The following MIDEAS variants were observed in gnomAD, a reference collection of about 807,000 sequenced individuals.
MIDEAS encodes mitotic deacetylase-associated SANT domain protein.
MIDEAS carries 26 observed loss-of-function variants against 102.7 expected under a neutral mutation model. That is an observed-to-expected ratio of 0.25 (90% CI 0.19 to 0.35). The LOEUF (loss-of-function observed/expected upper bound fraction) is 0.35, where lower values mean the gene tolerates loss of function less well. Ranked by LOEUF, MIDEAS falls within the 10% of genes least tolerant of loss-of-function variation. The pLI, the probability that MIDEAS is intolerant of heterozygous loss-of-function variation, is 1.00. For missense variants in MIDEAS, 1,231 were observed against 1,435.6 expected (o/e 0.86, Z 2.30); for synonymous variants, 585 against 591.0 (o/e 0.99, Z 0.15).
intron 1 of MIDEAS, among the ~76,000 whole-genome samples, chr14:73,785,660 C>A (rs1322200735): frequency 6.6e-6 from 1 of 152,222 alleles, no homozygotes; most frequent in Non-Finnish European, 1.5e-5. Flanking sequence ...TTTGCTAATT[C>A]AAACAGCTTT....
At position 73,737,152 on chromosome 14, in the gene MIDEAS, G is replaced by C; in HGVS notation, c.1595C>G (p.Pro532Arg). The C allele has an allele frequency of 6.2e-7, 1 of 1,613,916 alleles. No individual in the cohort carries two copies. Among genetic ancestry groups the C allele is most frequent in the Non-Finnish European group, 8.5e-7 (1 of 1,179,958 alleles). ...CTCAGTTGGGTCCACAGTTCGCACAGGCACAGACACTGGGATGATGAGGGG... is the reference window on the plus strand; with the variant it reads ...CTCAGTTGGGTCCACAGTTCGCACACGCACAGACACTGGGATGATGAGGGG... ...MVPLIIPVSV[P>R]VRTVDPTEAA... Residue 532 changes from proline to arginine, a missense_variant, in exon 3 of 13, where the codon CCT (proline) becomes CGT (arginine). Pro to Arg is a moderately radical substitution (Grantham distance 103). This residue lies in a region of MIDEAS where 758 missense variants were observed against 856.0 expected (regional missense o/e 0.89). Coordinates refer to ENST00000423556, the MANE Select transcript of MIDEAS (RefSeq NM_001367710.1).
intron 1 of MIDEAS, among the ~76,000 whole-genome samples, chr14:73,768,100 C>T (rs995877669): frequency 3.3e-5 from 5 of 152,154 alleles, no homozygotes; most frequent in African/African-American, 9.7e-5. Flanking sequence ...GCAGAGGTTG[C>T]AGTGAGACGA....
rs1249324086 is a variant in MIDEAS at position 73,716,773 on chromosome 14, C to G, written c.*2070G>C. 6.6e-6 allele frequency: 1 copy of G among 150,778 alleles called. No individual in the cohort carries two copies. Among genetic ancestry groups the G allele is most frequent in the Non-Finnish European group, 1.5e-5 (1 of 67,766 alleles). 9.3% of individuals were successfully genotyped at this position (150,778 alleles called of 1,614,324 possible). A position where few individuals can be genotyped will look rare whatever the true frequency, so the allele number is the denominator to read the frequency against. ...GGTCTCATATGAATGATGGAGGTTTCTGTTACCGTATGCCCATAAAGGGGC... is the reference window on the plus strand; with the variant it reads ...GGTCTCATATGAATGATGGAGGTTTGTGTTACCGTATGCCCATAAAGGGGC... On this transcript the variant is annotated 3_prime_UTR_variant, in exon 13 of 13. Transcript: ENST00000423556.
intron 1 of MIDEAS, among the ~76,000 whole-genome samples, chr14:73,748,114 TAAAG>T (rs1262978435): frequency 6.6e-6 from 1 of 152,018 alleles, no homozygotes; most frequent in Admixed American, 6.6e-5. Flanking sequence ...CTATTTAACA[TAAAG>T]GAAGACAGTA....
At chr14:73,730,090 AC>A (rs2053119077) in intron 3 of MIDEAS, 105 bp from the exon 4 acceptor site, 2 of 1,101,204 alleles carry the variant, frequency 1.8e-6, no homozygotes, top group Non-Finnish European at 2.7e-6. Context: ...TAGTCTGCCT[AC>A]CACACCCACC....
At chr14:73,789,229 A>AT (rs2053846731), upstream of MIDEAS, 8 of 152,044 alleles carry the variant, frequency 5.3e-5, no homozygotes, top group Admixed American at 2.6e-4. Context: ...AGACTAGGTT[A>AT]TAAAAAAAAA....
chr14:73,778,701 T>TA (rs1447658288), intron 1 of MIDEAS, among the ~76,000 whole-genome samples: 1 of 151,958 alleles, frequency 6.6e-6, no homozygotes, highest in African/African-American at 2.4e-5. Flanking sequence ...GCTAGGCCCT[T>TA]ACTGTAAAGT....
chr14:73,780,959 G>A (rs1268392255), intron 1 of MIDEAS, among the ~76,000 whole-genome samples: 1 of 150,164 alleles, frequency 6.7e-6, no homozygotes, highest in Non-Finnish European at 1.5e-5. Flanking sequence ...TGTTGTTGTT[G>A]TTAAGTTTCA....
At chr14:73,720,526 T>A (rs199571494) in intron 11 of MIDEAS, among the ~76,000 whole-genome samples, 1 of 151,952 alleles carries the variant, frequency 6.6e-6, no homozygotes, top group Non-Finnish European at 1.5e-5. Context: ...GGATTACAGG[T>A]GTGAGCCACT....
chr14:73,771,353 T>C (rs2053640594), intron 1 of MIDEAS, among the ~76,000 whole-genome samples: 1 of 152,168 alleles, frequency 6.6e-6, no homozygotes, highest in African/African-American at 2.4e-5. Flanking sequence ...GGCTCCAACC[T>C]GCGAACTCAA....
intron 1 of MIDEAS, among the ~76,000 whole-genome samples, chr14:73,782,565 A>C (rs1244399405): frequency 6.6e-6 from 1 of 152,088 alleles, no homozygotes; most frequent in Admixed American, 6.6e-5. Flanking sequence ...TCTAGGCTCA[A>C]GTGATCCTTC....
In MIDEAS at chr14:73,742,631, A is replaced by T. The variant is rs1356334419; in HGVS notation, c.-247-2376T>A. 6.6e-6 allele frequency among the ~76,000 whole-genome samples: 1 copy of T among 152,202 alleles called. No individual in the cohort carries two copies. The highest frequency in any genetic ancestry group is 1.5e-5 in the Non-Finnish European group (1 of 68,018). On this transcript the variant is annotated intron_variant, in intron 1 of 12. Transcript: ENST00000423556. This position sits in a 1 kb window ranked among gnomAD's most constrained non-coding sequence, Gnocchi z 4.4. ...CCACAGCAGCCTCTGAAGCTCAGAC[A>T]GGGACTTGCTTTGAAGAAATCAGGG...
rs1483903401 is a variant in MIDEAS, at chr14:73,759,439, G to A, written c.-248+324C>T. On this transcript the variant is annotated intron_variant, in intron 1 of 12. Coordinates refer to ENST00000423556, the MANE Select transcript of MIDEAS (RefSeq NM_001367710.1). This position sits in a 1 kb window ranked among gnomAD's most constrained non-coding sequence, Gnocchi z 6.7. ...GGCTTTCCTGGCGGGGCCGCGCCCG[G>A]GTGGGCGGGGGCCGCGCGCAAGCTG... 1.3e-5 allele frequency among the ~76,000 whole-genome samples: 2 copies of A among 151,276 alleles called. No homozygotes were observed. The highest frequency in any genetic ancestry group is 6.6e-5 in the Admixed American group (1 of 15,224).
chr14:73,750,337 C>G (rs2053405410), intron 1 of MIDEAS, among the ~76,000 whole-genome samples: 1 of 152,258 alleles, frequency 6.6e-6, no homozygotes, highest in African/African-American at 2.4e-5. Context: ...AGAAGGAATG[C>G]TACACTTGAG....
intron 1 of MIDEAS, among the ~76,000 whole-genome samples, chr14:73,782,827 G>A (rs984480679): frequency 1.3e-5 from 2 of 152,204 alleles, no homozygotes; most frequent in African/African-American, 4.8e-5. Context: ...GGAAAGAGAT[G>A]CTGGAAATGG....
chr14:73,722,524 G>A (rs911831820), intron 10 of MIDEAS, 174 bp downstream of exon 10: 44 of 603,508 alleles, frequency 7.3e-5, no homozygotes, highest in Non-Finnish European at 1.1e-4. Context: ...TATGACACCA[G>A]CAGTATAGAG....
intron 7 of MIDEAS, 121 bp from the exon 8 acceptor site, chr14:73,726,229 TGA>T (rs2053059226): frequency 4.7e-6 from 4 of 844,352 alleles, no homozygotes; most frequent in Non-Finnish European, 5.8e-6. Flanking sequence ...CCTTAACTGC[TGA>T]GAGATAAGGG....
intron 5 of MIDEAS, 152 bp downstream of exon 5, chr14:73,727,306 C>CA (rs2053075538): frequency 2.5e-6 from 2 of 810,726 alleles, no homozygotes; most frequent in Admixed American, 4.8e-5. Context: ...GCGGGGACAG[C>CA]AAAGCCCAGG....
chr14:73,777,088 T>C, intron 1 of MIDEAS, among the ~76,000 whole-genome samples: 1 of 151,420 alleles, frequency 6.6e-6, no homozygotes, highest in East Asian at 2.0e-4. Context: ...AATAAATAAA[T>C]AAATAAAAGT....
Sources: gnomAD v4.1 joint callset for allele counts (sites outside exome capture counted in the v4.1 genomes callset) on GRCh38, gnomAD v4.1.1 for gene constraint, gnomAD v4.1.1 regional missense constraint, Gnocchi (gnomAD v3.1) non-coding constraint, MANE v1.5 for transcripts, NCBI Gene and HGNC (gene_info 2026-07-23, HGNC 2026-07-21) for gene names.